The following TIMP2 variants were observed in gnomAD, a reference collection of about 807,000 sequenced individuals.
TIMP2 encodes metalloproteinase inhibitor 2.
A neutral mutation model predicts 24.3 loss-of-function variants in TIMP2; 5 were observed. The ratio of observed to expected loss-of-function variants is 0.21; its 90% CI spans 0.11 to 0.43. TIMP2 has a LOEUF of 0.43. TIMP2 is among the 20% of genes least tolerant of loss of function. TIMP2 has a pLI of 1.00. For missense variants in TIMP2, 221 were observed against 297.5 expected, an observed-to-expected ratio of 0.74 and a Z score of 1.89; for synonymous variants, 130 against 123.2, an observed-to-expected ratio of 1.06 and a Z score of -0.37.
In TIMP2 at chr17:78,909,505, C is replaced by T. The variant is rs114651978; in HGVS notation, c.130+15454G>A. 3.9e-3 allele frequency among the ~76,000 whole-genome samples: 584 copies of T among 150,864 alleles called. 3 individuals carry two copies. The highest frequency in any genetic ancestry group is 0.013 in the African/African-American group (553 of 41,086). On this transcript the variant is annotated intron_variant, in intron 1 of 4. Transcript: ENST00000262768. ...ACCCAGTCCTTTCTCCCTCATGTCA[C>T]GTCAAGTGCTGTGTCACTGAAGCAC... is the stretch of plus-strand genomic sequence containing the variant.
At position 78,853,435 on chromosome 17, in the gene TIMP2, TCTTCTTAAC is replaced by T. The variant is rs2069499994; in HGVS notation, c.*2223_*2231del. ...CTTCCTCTGTCAGCTGCCACCCGGC[TCTTCTTAAC>T]CTGTTTTGTTTTCTGCTCAGCACGG... On this transcript the variant is annotated 3_prime_UTR_variant, in exon 5 of 5. Coordinates refer to ENST00000262768, the MANE Select transcript of TIMP2 (RefSeq NM_003255.5). The T allele has an allele frequency of 6.6e-6, 1 of 152,278 alleles. No homozygotes were observed. The highest frequency in any genetic ancestry group is 6.5e-5 in the Admixed American group (1 of 15,276). 9.4% of individuals were successfully genotyped at this position (152,278 alleles called of 1,614,324 possible).
chr17:78,890,557 A>G (rs2069871511), intron 1 of TIMP2: 1 of 1,435,794 alleles, frequency 7.0e-7, no homozygotes, highest in Non-Finnish European at 9.4e-7. Flanking sequence ...AATGACGCAA[A>G]CACAGATCTT....
chr17:78,903,122 G>C (rs1433994798), intron 1 of TIMP2: 1 of 152,366 alleles, frequency 6.6e-6, no homozygotes, highest in Non-Finnish European at 1.5e-5. Flanking sequence ...GTGGTCTCAG[G>C]GGCCCACTGA....
intron 3 of TIMP2, among the ~76,000 whole-genome samples, chr17:78,865,581 G>A (rs192199696): frequency 3.2e-4 from 47 of 145,154 alleles, no homozygotes; most frequent in African/African-American, 1.1e-3. Context: ...TTGAGACCAC[G>A]CCATTGCACT....
intron 3 of TIMP2, among the ~76,000 whole-genome samples, chr17:78,863,023 C>T (rs1268883414): frequency 2.6e-5 from 4 of 152,148 alleles, no homozygotes; most frequent in East Asian, 1.9e-4. Flanking sequence ...AATGAACATA[C>T]GGGCGCAGTG....
chr17:78,902,170 G>A (rs1041441822), intron 1 of TIMP2, among the ~76,000 whole-genome samples: 2 of 152,158 alleles, frequency 1.3e-5, no homozygotes, highest in Admixed American at 1.3e-4. Flanking sequence ...GCAGTGGTGC[G>A]ATCTCAGCTT....
chr17:78,908,865 C>T (rs9898925), intron 1 of TIMP2, among the ~76,000 whole-genome samples: 1 of 152,164 alleles, frequency 6.6e-6, no homozygotes, highest in Non-Finnish European at 1.5e-5. Context: ...ATGCTCATCC[C>T]AGCTCCACCC....
intron 1 of TIMP2, among the ~76,000 whole-genome samples, chr17:78,906,675 C>T (rs1449455906): frequency 6.6e-6 from 1 of 152,066 alleles, no homozygotes; most frequent in South Asian, 2.1e-4. Context: ...CTCCATCTCC[C>T]GGGTTCACGC....
rs1419490251 is a variant in TIMP2 at position 78,891,179 on chromosome 17, G to A, written c.131-17260C>T. The A allele has an allele frequency of 5.8e-6, 9 of 1,550,562 alleles. No individual in the cohort carries two copies. Among genetic ancestry groups the A allele is most frequent in the East Asian group, 2.4e-5 (1 of 40,932 alleles). ...CAATGTTTGACTTCCATTTCTAAACGTGGGCTTGACCGTGCCCTGATATTT... is the reference window on the plus strand; with the variant it reads ...CAATGTTTGACTTCCATTTCTAAACATGGGCTTGACCGTGCCCTGATATTT... On this transcript the variant is annotated intron_variant, in intron 1 of 4. Transcript: ENST00000262768. The surrounding 1 kb of genome is among the most constrained non-coding windows in gnomAD (Gnocchi z 4.5).
intron 1 of TIMP2, among the ~76,000 whole-genome samples, chr17:78,908,839 G>T (rs2070183228): frequency 6.6e-6 from 1 of 152,194 alleles, no homozygotes. Context: ...CCTCACAAGG[G>T]AGAGTCAGGC....
intron 1 of TIMP2, among the ~76,000 whole-genome samples, chr17:78,877,399 T>C (rs2069736815): frequency 6.6e-6 from 1 of 151,988 alleles, no homozygotes; most frequent in Non-Finnish European, 1.5e-5. Flanking sequence ...GCCAACATGG[T>C]GAAACCCCAT....
chr17:78,874,004 C>T lies in TIMP2; in HGVS notation c.131-85G>A, dbSNP rs1292150529. On this transcript the variant is annotated intron_variant, in intron 1 of 4. Transcript: ENST00000262768. ...GAGAGGGATAAGACGTCCAGGCCTGCGGGAGGTGCTGGGGGGTTACAGACA... is the reference window on the plus strand; with the variant it reads ...GAGAGGGATAAGACGTCCAGGCCTGTGGGAGGTGCTGGGGGGTTACAGACA... The T allele has an allele frequency of 4.0e-5, 52 of 1,286,170 alleles. No homozygotes were observed. The East Asian group carries it at 8.7e-4, about 22-fold the overall frequency. The allele number at this position is 1,286,170 out of a possible 1,614,324, so 79.7% of individuals were successfully genotyped here.
chr17:78,891,936 T>C lies in TIMP2; in HGVS notation c.131-18017A>G, dbSNP rs1049127123. 1.6e-5 allele frequency: 25 copies of C among 1,550,450 alleles called. No homozygotes were observed. Among genetic ancestry groups the C allele is most frequent in the Non-Finnish European group, 2.1e-5 (24 of 1,147,000 alleles). ...GCTGTCTTCCGGGGCCTGGAGTGCC[T>C]GGGGTGTTGCTGGCCCAACTCTTCC... On this transcript the variant is annotated intron_variant, in intron 1 of 4. Transcript: ENST00000262768. The surrounding 1 kb of genome is among the most constrained non-coding windows in gnomAD (Gnocchi z 4.5).
At chr17:78,894,849 A>G (rs2069973905) in intron 1 of TIMP2, among the ~76,000 whole-genome samples, 1 of 152,240 alleles carries the variant, frequency 6.6e-6, no homozygotes, top group African/African-American at 2.4e-5. Context: ...TTCAAAAGGT[A>G]CCATAAGTAA....
intron 1 of TIMP2, among the ~76,000 whole-genome samples, chr17:78,874,641 C>T (rs1385536515): frequency 2.0e-5 from 3 of 151,910 alleles, no homozygotes; most frequent in African/African-American, 7.3e-5. Flanking sequence ...GCAGTGGCAC[C>T]GTTTTGGCTC....
chr17:78,894,944 C>T (rs1259098642), intron 1 of TIMP2, among the ~76,000 whole-genome samples: 1 of 152,132 alleles, frequency 6.6e-6, no homozygotes, highest in East Asian at 1.9e-4. Flanking sequence ...CATATGAACA[C>T]CTCTTACTAC....
chr17:78,914,850 G>T (rs1341857322), intron 1 of TIMP2, among the ~76,000 whole-genome samples: 5 of 151,730 alleles, frequency 3.3e-5, no homozygotes, highest in Non-Finnish European at 7.4e-5. Context: ...GCCTCCCAAA[G>T]TGCTGGGATT....
rs1425006003 is a variant in TIMP2, at chr17:78,920,512, T to C, written c.130+4447A>G. 6.6e-6 allele frequency among the ~76,000 whole-genome samples: 1 copy of C among 152,120 alleles called. No individual in the cohort carries two copies. Among genetic ancestry groups the C allele is most frequent in the African/African-American group, 2.4e-5 (1 of 41,414 alleles). On this transcript the variant is annotated intron_variant, in intron 1 of 4. Coordinates refer to ENST00000262768, the MANE Select transcript of TIMP2 (RefSeq NM_003255.5). The surrounding 1 kb of genome is among the most constrained non-coding windows in gnomAD (Gnocchi z 4.5). ...GCTCTCCCTGCTCTTCCAGTCCCCC[T>C]GCCTTGGGAGCTGCCAGTAATTCAG...
rs2069616256 is a variant in TIMP2, at chr17:78,866,378, C to T, written c.340+4520G>A. Among the ~76,000 whole-genome samples the T allele has an allele frequency of 5.3e-5, 8 of 152,128 alleles. No homozygotes were observed. In the South Asian group the frequency reaches 1.4e-3, roughly 28 times the overall value. On this transcript the variant is annotated intron_variant, in intron 3 of 4. Coordinates refer to ENST00000262768, the MANE Select transcript of TIMP2 (RefSeq NM_003255.5). Reference sequence around the variant, plus strand: ...CACAGGTGGTTTTTGTCCCTCTACCCTTCTCCATTTGATTTTTTTTTTCTT... The same window carrying T: ...CACAGGTGGTTTTTGTCCCTCTACCTTTCTCCATTTGATTTTTTTTTTCTT...
Sources: allele counts gnomAD v4.1 joint callset (sites outside exome capture counted in the v4.1 genomes callset), GRCh38; gene constraint gnomAD v4.1.1; non-coding constraint Gnocchi (gnomAD v3.1); transcripts MANE v1.5; gene names NCBI Gene and HGNC (gene_info 2026-07-23, HGNC 2026-07-21).